ELAVL2: variants seen among roughly 807,000 people sequenced by gnomAD.
ELAVL2 encodes the protein ELAV like RNA binding protein 2.
ELAVL2 carries 4 observed loss-of-function variants against 34.6 expected under a neutral mutation model. That is an observed-to-expected ratio of 0.12 (90% CI 0.06 to 0.26). The LOEUF (loss-of-function observed/expected upper bound fraction) is 0.26. Among genes scored for constraint, ELAVL2 ranks in the 10% least tolerant of loss-of-function variants. The probability of loss-of-function intolerance (pLI) is 1.00; values close to 1 mark genes in which losing one functional copy is unlikely to be tolerated. For missense variants in ELAVL2, 432 were observed against 442.8 expected, an observed-to-expected ratio of 0.98 and a Z score of 0.22; for synonymous variants, 193 against 154.8, an observed-to-expected ratio of 1.25 and a Z score of -1.83.
In ELAVL2 at chr9:23,691,565, A is replaced by G. The variant is rs2033180069; in HGVS notation, c.*992T>C. 6.6e-6 allele frequency: 1 copy of G among 152,412 alleles called. No individual in the cohort carries two copies. The highest frequency in any genetic ancestry group is 2.4e-5 in the African/African-American group (1 of 41,388). The allele number at this position is 152,412 out of a possible 1,614,324, so 9.4% of individuals were successfully genotyped here. ...TTAAATTTCTTGCCTGCTCTTATAT[A>G]TTCTTTTGTAAATTTTTTTTATTTG... On this transcript the variant is annotated 3_prime_UTR_variant, in exon 7 of 7. Transcript: ENST00000397312.
the ELAVL2 span, among the ~76,000 whole-genome samples, chr9:23,837,192 G>A: frequency 2.6e-5 from 4 of 152,176 alleles, no homozygotes; most frequent in Non-Finnish European, 5.9e-5. Flanking sequence ...GAAGCTGTGA[G>A]GGAGAGAAAC....
Position 23,694,912 on chromosome 9 carries a change from T to C in ELAVL2, c.714-1426A>G, listed in dbSNP as rs2034590452. Among the ~76,000 whole-genome samples the C allele has an allele frequency of 2.0e-5, 3 of 152,128 alleles. No homozygotes were observed. In the South Asian group the frequency reaches 6.2e-4, roughly 31 times the overall value. On this transcript the variant is annotated intron_variant, in intron 5 of 6. Transcript: ENST00000397312. ...CGTGCCTTGACCCACCACCCTCTCATTGCACCACTGAGCACAAGCCAGGGT... is the reference window on the plus strand; with the variant it reads ...CGTGCCTTGACCCACCACCCTCTCACTGCACCACTGAGCACAAGCCAGGGT...
chr9:23,848,846 T>TCTTC, the ELAVL2 span, among the ~76,000 whole-genome samples: 2 of 152,138 alleles, frequency 1.3e-5, no homozygotes, highest in African/African-American at 4.8e-5. Context: ...ATCCCAACCT[T>TCTTC]CAAATGAGAA....
At chr9:23,764,808 G>A (rs1193950947) in intron 1 of ELAVL2, among the ~76,000 whole-genome samples, 6 of 151,964 alleles carry the variant, frequency 3.9e-5, no homozygotes, top group Admixed American at 3.3e-4. Context: ...ACATACGAGA[G>A]CATGGTTCTG....
chr9:23,797,597 C>G (rs995957370), intron 1 of ELAVL2, among the ~76,000 whole-genome samples: 1 of 152,070 alleles, frequency 6.6e-6, no homozygotes, highest in African/African-American at 2.4e-5. Flanking sequence ...ACCAGGTGTA[C>G]GATTTAGGTT....
At chr9:23,715,678 C>A in intron 3 of ELAVL2, among the ~76,000 whole-genome samples, 1 of 152,162 alleles carries the variant, frequency 6.6e-6, no homozygotes, top group East Asian at 1.9e-4. Context: ...CCAATACTAT[C>A]AAGATAACCA....
At chr9:23,849,084 C>T in the ELAVL2 span, among the ~76,000 whole-genome samples, 1 of 152,120 alleles carries the variant, frequency 6.6e-6, no homozygotes. Context: ...TTTACATTGT[C>T]ACAAATACTG....
chr9:23,784,983 T>A (rs546574319), intron 1 of ELAVL2, among the ~76,000 whole-genome samples: 22 of 152,312 alleles, frequency 1.4e-4, no homozygotes, highest in Middle Eastern at 6.8e-3. Flanking sequence ...ATATTCAATT[T>A]CTCTTGTGAA....
At chr9:23,799,772 A>C (rs1275977027) in intron 1 of ELAVL2, among the ~76,000 whole-genome samples, 2 of 152,194 alleles carry the variant, frequency 1.3e-5, no homozygotes, top group African/African-American at 4.8e-5. Flanking sequence ...CAAATAAGAG[A>C]CCACAGTTGG....
At chr9:23,733,509 G>A (rs1025858624) in intron 2 of ELAVL2, among the ~76,000 whole-genome samples, 1 of 152,194 alleles carries the variant, frequency 6.6e-6, no homozygotes, top group South Asian at 2.1e-4. Flanking sequence ...GTCTAAGAAA[G>A]GTCTTGCAGG....
intron 1 of ELAVL2, among the ~76,000 whole-genome samples, chr9:23,799,088 T>TAC (rs888043495): frequency 2.0e-5 from 3 of 152,176 alleles, no homozygotes; most frequent in African/African-American, 7.2e-5. Context: ...TGCTAATTAT[T>TAC]ACACAATTAA....
In ELAVL2 at chr9:23,730,961, T is replaced by A. The variant is rs1457513482; in HGVS notation, c.333+61A>T. ...AAGGAAGAAAGGAAAGAACTACAAA[T>A]AAATCTTAATTTTTTTAAACTTCTG... On this transcript the variant is annotated intron_variant, in intron 3 of 6. Coordinates refer to ENST00000397312, the MANE Select transcript of ELAVL2 (RefSeq NM_004432.5). 6.8e-6 allele frequency: 10 copies of A among 1,465,400 alleles called. No homozygotes were observed. In the African/African-American group the frequency reaches 1.4e-4, roughly 21 times the overall value. The allele number at this position is 1,465,400 out of a possible 1,614,324, so 90.8% of individuals were successfully genotyped here. A position where few individuals can be genotyped will look rare whatever the true frequency, so the allele number is the denominator to read the frequency against.
intron 2 of ELAVL2, among the ~76,000 whole-genome samples, chr9:23,741,108 A>G (rs2049052266): frequency 6.6e-6 from 1 of 152,218 alleles, no homozygotes; most frequent in African/African-American, 2.4e-5. Flanking sequence ...CAGCTTGAAA[A>G]AGAGAACTCT....
the ELAVL2 span, among the ~76,000 whole-genome samples, chr9:23,839,956 GT>G: frequency 2.0e-5 from 3 of 152,056 alleles, no homozygotes; most frequent in African/African-American, 7.2e-5. Flanking sequence ...AAGCTTCTAG[GT>G]TGGAAATTAC....
At chr9:23,730,432 T>G (rs1337623514) in intron 3 of ELAVL2, among the ~76,000 whole-genome samples, 1 of 152,178 alleles carries the variant, frequency 6.6e-6, no homozygotes, top group East Asian at 1.9e-4. Flanking sequence ...GCACCACATC[T>G]AGCCTGCCAC....
chr9:23,698,798 C>T (rs1429713961), intron 5 of ELAVL2, among the ~76,000 whole-genome samples: 1 of 152,150 alleles, frequency 6.6e-6, no homozygotes, highest in Non-Finnish European at 1.5e-5. Flanking sequence ...GTTCAATATA[C>T]TGTATTAAAG....
intron 2 of ELAVL2, among the ~76,000 whole-genome samples, chr9:23,749,931 G>A (rs888646940): frequency 6.6e-6 from 1 of 151,540 alleles, no homozygotes; most frequent in Non-Finnish European, 1.5e-5. Context: ...TTACCTAAGA[G>A]CTGTTATTCA....
chr9:23,756,764 G>A (rs538491471), intron 2 of ELAVL2, among the ~76,000 whole-genome samples: 23 of 152,134 alleles, frequency 1.5e-4, no homozygotes, highest in Admixed American at 5.9e-4. Context: ...CTTCCATAAC[G>A]CCCTAAATCT....
At chr9:23,700,283 G>A (rs530303638) in intron 5 of ELAVL2, among the ~76,000 whole-genome samples, 1 of 152,116 alleles carries the variant, frequency 6.6e-6, no homozygotes, top group Non-Finnish European at 1.5e-5. Context: ...GGCCAAAAAG[G>A]ATATTTAAAA....
Sources: gnomAD v4.1 joint callset for allele counts (sites outside exome capture counted in the v4.1 genomes callset) on GRCh38, gnomAD v4.1.1 for gene constraint, MANE v1.5 for transcripts, NCBI Gene and HGNC (gene_info 2026-07-23, HGNC 2026-07-21) for gene names.